ZNF385D: variants seen among roughly 807,000 people sequenced by gnomAD.
ZNF385D encodes zinc finger protein 659.
Under a neutral mutation model 35.8 loss-of-function variants are expected in ZNF385D, and 15 were observed. The observed-to-expected ratio is 0.42, with a 90% CI of 0.28 to 0.64. ZNF385D has a LOEUF of 0.64. Among genes scored for constraint, ZNF385D ranks in the 30% least tolerant of loss-of-function variants. The probability of loss-of-function intolerance (pLI) is 0.23; values close to 1 mark genes in which losing one functional copy is unlikely to be tolerated. For missense variants in ZNF385D, 474 were observed against 494.6 expected, an observed-to-expected ratio of 0.96 and a Z score of 0.39; for synonymous variants, 212 against 186.8, an observed-to-expected ratio of 1.13 and a Z score of -1.10.
chr3:21,474,805 T>C (rs1704127795), intron 4 of ZNF385D, among the ~76,000 whole-genome samples: 1 of 152,100 alleles, frequency 6.6e-6, no homozygotes, highest in African/African-American at 2.4e-5. Flanking sequence ...GCTTTGCTAA[T>C]CAAATTATAC....
intron 2 of ZNF385D, among the ~76,000 whole-genome samples, chr3:21,594,899 C>T (rs2064086728): frequency 6.6e-6 from 1 of 152,138 alleles, no homozygotes; most frequent in African/African-American, 2.4e-5. Flanking sequence ...TGGACATATA[C>T]ACACACCTAT....
intron 3 of ZNF385D, among the ~76,000 whole-genome samples, chr3:22,007,157 C>A (rs1390190295): frequency 6.6e-6 from 1 of 152,170 alleles, no homozygotes; most frequent in Non-Finnish European, 1.5e-5. Context: ...CATACACCTT[C>A]TACTCCATTT....
chr3:21,421,460 A>G lies in ZNF385D; in HGVS notation c.955-13T>C, dbSNP rs1049337007. 1.9e-6 allele frequency: 3 copies of G among 1,586,594 alleles called. No homozygotes were observed. The highest frequency in any genetic ancestry group is 2.6e-6 in the Non-Finnish European group (3 of 1,161,156). ...ATACTAATTTTACCTGCAAGGGAGA[A>G]AAAATATTGTAAAAAAAACAACAGT... On this transcript the variant is annotated splice_polypyrimidine_tract_variant and intron_variant, in intron 7 of 7. Coordinates refer to ENST00000281523, the MANE Select transcript of ZNF385D (RefSeq NM_024697.3).
rs144131621 is a variant in ZNF385D, at chr3:21,641,873, T to C, written c.165+23013A>G. On this transcript the variant is annotated intron_variant, in intron 2 of 7. Coordinates refer to ENST00000281523, the MANE Select transcript of ZNF385D (RefSeq NM_024697.3). Reference sequence around the variant, plus strand: ...TTCTAACTAAGGGCATTCTAAAATATCAAGCTGCACACATAAATAGGCAAG... The same window carrying C: ...TTCTAACTAAGGGCATTCTAAAATACCAAGCTGCACACATAAATAGGCAAG... 3.2e-3 allele frequency among the ~76,000 whole-genome samples: 488 copies of C among 152,144 alleles called. 4 individuals are homozygous for C. Among genetic ancestry groups the C allele is most frequent in the African/African-American group, 0.011 (455 of 41,522 alleles).
intron 3 of ZNF385D, among the ~76,000 whole-genome samples, chr3:22,100,902 G>T (rs1442101107): frequency 1.3e-5 from 2 of 151,452 alleles, no homozygotes; most frequent in African/African-American, 4.8e-5. Context: ...AGACTTCCAG[G>T]GTTGTGCTAG....
At position 22,240,279 on chromosome 3, in the gene ZNF385D, C is replaced by G. The variant is rs538625021; in HGVS notation, c.107-71244G>C. 1.3e-3 allele frequency among the ~76,000 whole-genome samples: 190 copies of G among 150,708 alleles called. 6 individuals are homozygous for G. Among genetic ancestry groups the G allele is most frequent in the African/African-American group, 4.6e-3 (188 of 40,770 alleles). On this transcript the variant is annotated intron_variant, in intron 2 of 5. Transcript: ENST00000494108. The stretch of plus-strand genomic sequence containing the variant: ...TGGCTTGCAATGCAGTTTCTACCTG[C>G]TGTGCTTTTACTTTAAAAATCCAAC...
intron 1 of ZNF385D, among the ~76,000 whole-genome samples, chr3:21,677,289 G>A (rs1364814904): frequency 2.6e-5 from 4 of 152,022 alleles, no homozygotes; most frequent in African/African-American, 9.7e-5. Flanking sequence ...AGAGGCCAAG[G>A]TTAATGAGAA....
intron 3 of ZNF385D, among the ~76,000 whole-genome samples, chr3:21,936,908 A>G (rs1337489497): frequency 2.6e-5 from 4 of 152,188 alleles, no homozygotes; most frequent in African/African-American, 7.2e-5. Flanking sequence ...GTGAATTGCT[A>G]AATTTAAACA....
intron 2 of ZNF385D, among the ~76,000 whole-genome samples, chr3:22,197,277 A>G (rs1696483026): frequency 6.6e-6 from 1 of 151,988 alleles, no homozygotes; most frequent in Non-Finnish European, 1.5e-5. Flanking sequence ...CTTTTATTCT[A>G]GGCTCCTTCT....
intron 3 of ZNF385D, among the ~76,000 whole-genome samples, chr3:21,875,885 T>C (rs776579401): frequency 7.2e-5 from 11 of 152,044 alleles, no homozygotes; most frequent in Non-Finnish European, 1.0e-4. Flanking sequence ...CCTACATCCA[T>C]AGAATAAGAT....
chr3:21,916,769 T>G (rs938572492), intron 3 of ZNF385D, among the ~76,000 whole-genome samples: 5 of 152,200 alleles, frequency 3.3e-5, no homozygotes, highest in Non-Finnish European at 5.9e-5. Context: ...TTTTAAACAA[T>G]CAGTACAATA....
At chr3:21,474,668 TAAAG>T (rs1704117306) in intron 4 of ZNF385D, among the ~76,000 whole-genome samples, 1 of 151,320 alleles carries the variant, frequency 6.6e-6, no homozygotes, top group South Asian at 2.1e-4. Flanking sequence ...TAAATCCTGA[TAAAG>T]AAAACTGAAT....
At chr3:22,280,287 A>G (rs1701668834) in intron 2 of ZNF385D, among the ~76,000 whole-genome samples, 1 of 149,826 alleles carries the variant, frequency 6.7e-6, no homozygotes, top group Non-Finnish European at 1.5e-5. Context: ...TTTAAATCCC[A>G]TCTATTTGTA....
chr3:22,112,851 A>G (rs964878546), intron 3 of ZNF385D, among the ~76,000 whole-genome samples: 3 of 152,004 alleles, frequency 2.0e-5, no homozygotes, highest in Non-Finnish European at 4.4e-5. Context: ...GGGGGAAAAA[A>G]AACAGAAGCA....
At chr3:21,949,538 C>CTTTTCTTTCTTTTCT (rs1267430268) in intron 3 of ZNF385D, among the ~76,000 whole-genome samples, 8 of 125,978 alleles carry the variant, frequency 6.4e-5, no homozygotes, top group Non-Finnish European at 9.6e-5. Context: ...ATTTTCTTTC[C>CTTTTCTTTCTTTTCT]TTCTTTTCTT....
intron 2 of ZNF385D, among the ~76,000 whole-genome samples, chr3:22,263,736 A>T (rs1293395941): frequency 1.3e-5 from 2 of 152,014 alleles, no homozygotes; most frequent in Non-Finnish European, 2.9e-5. Flanking sequence ...AACCAGGGGC[A>T]GTTTTTATGC....
chr3:22,029,427 G>T (rs1258897019), intron 3 of ZNF385D, among the ~76,000 whole-genome samples: 1 of 152,152 alleles, frequency 6.6e-6, no homozygotes, highest in Non-Finnish European at 1.5e-5. Context: ...ATGAAGGTTT[G>T]GTTTACTCCA....
At position 21,653,663 on chromosome 3, in the gene ZNF385D, TTC is replaced by T. The variant is rs2065989037; in HGVS notation, c.165+11221_165+11222del. ...TCCAAACAAGGCTCTTAAAACCAGA[TTC>T]TGTCAATAGCACCTCATAGGTAGCA... On this transcript the variant is annotated intron_variant, in intron 2 of 7. Coordinates refer to ENST00000281523, the MANE Select transcript of ZNF385D (RefSeq NM_024697.3). Among the ~76,000 whole-genome samples the T allele has an allele frequency of 2.0e-5, 3 of 152,130 alleles. No individual in the cohort carries two copies. The South Asian group carries it at 6.2e-4, about 32-fold the overall frequency.
rs1696530960 is a variant in ZNF385D at position 22,363,885 on chromosome 3, C to T, written c.106+8565G>A. Among the ~76,000 whole-genome samples, 3 of 152,044 alleles carry T rather than the reference C, an allele frequency of 2.0e-5. No homozygotes were observed. In the South Asian group the frequency reaches 6.2e-4, roughly 31 times the overall value. On this transcript the variant is annotated intron_variant, in intron 2 of 5. Transcript: ENST00000494108. ...AATTAATTTTTACAAGTCAACACTC[C>T]TAGGTAACCAACACCCCAAAGCATG...
Sources: gnomAD v4.1 joint callset for allele counts (sites outside exome capture counted in the v4.1 genomes callset) on GRCh38, gnomAD v4.1.1 for gene constraint, MANE v1.5 for transcripts, NCBI Gene and HGNC (gene_info 2026-07-23, HGNC 2026-07-21) for gene names.